RBFOX2: variants seen among roughly 807,000 people sequenced by gnomAD.
RBFOX2 encodes the protein RNA binding protein fox-1 homolog 2.
In RBFOX2, 10 loss-of-function variants were observed where a neutral mutation model predicts 49.1. The observed-to-expected ratio is 0.20, with a 90% CI of 0.13 to 0.35. The LOEUF (loss-of-function observed/expected upper bound fraction) is 0.35, where lower values mean the gene tolerates loss of function less well. Among genes scored for constraint, RBFOX2 ranks in the 10% least tolerant of loss-of-function variants. RBFOX2 has a pLI of 1.00. For synonymous variants in RBFOX2, 183 were observed against 187.4 expected (o/e 0.98, Z 0.19); for missense variants, 323 against 486.9 (o/e 0.66, Z 3.17).
At chr22:35,947,530 T>G (rs1285819589) in intron 1 of RBFOX2, among the ~76,000 whole-genome samples, 1 of 151,660 alleles carries the variant, frequency 6.6e-6, no homozygotes, top group Non-Finnish European at 1.5e-5. Flanking sequence ...AAATGACAGC[T>G]CCATGTGTGT....
At chr22:35,876,040 G>A (rs1053271715) in intron 1 of RBFOX2, among the ~76,000 whole-genome samples, 5 of 151,982 alleles carry the variant, frequency 3.3e-5, no homozygotes, top group Non-Finnish European at 7.4e-5. Flanking sequence ...GCAAATCACC[G>A]ATAAACAAAG....
chr22:35,768,388 G>T, intron 4 of RBFOX2, 39 bp from the exon 6 acceptor site: 1 of 1,522,208 alleles, frequency 6.6e-7, no homozygotes, highest in East Asian at 2.3e-5. Context: ...CATGCACATC[G>T]TTATATTGAA....
chr22:36,016,653 C>T (rs1372180136), intron 1 of RBFOX2, among the ~76,000 whole-genome samples: 2 of 152,158 alleles, frequency 1.3e-5, no homozygotes, highest in South Asian at 2.1e-4. Flanking sequence ...CTAAGAAAAC[C>T]CACGTCTTAT....
At chr22:36,013,186 C>G (rs1399994655) in intron 1 of RBFOX2, among the ~76,000 whole-genome samples, 1 of 151,950 alleles carries the variant, frequency 6.6e-6, no homozygotes, top group Non-Finnish European at 1.5e-5. Flanking sequence ...AAGCAGAGGA[C>G]TGCTTGAGCC....
At chr22:35,843,797 T>C (rs550209935), upstream of RBFOX2, among the ~76,000 whole-genome samples, 1 of 152,316 alleles carries the variant, frequency 6.6e-6, no homozygotes, top group Non-Finnish European at 1.5e-5. Flanking sequence ...CCAAAGTGCA[T>C]GGTTCCTAAC....
chr22:35,948,677 T>G (rs1337653496), intron 1 of RBFOX2, among the ~76,000 whole-genome samples: 1 of 152,082 alleles, frequency 6.6e-6, no homozygotes, highest in Admixed American at 6.6e-5. Flanking sequence ...AGAGTGAGAC[T>G]GTCTCAAAAA....
chr22:35,929,551 C>G (rs886870019), intron 1 of RBFOX2, among the ~76,000 whole-genome samples: 3 of 152,154 alleles, frequency 2.0e-5, no homozygotes, highest in African/African-American at 7.2e-5. Flanking sequence ...ATACTACAAC[C>G]TGGATGAACC....
chr22:35,760,134 C>A (rs1309103284), intron 8 of RBFOX2, 114 bp from the exon 10 acceptor site: 7 of 1,407,180 alleles, frequency 5.0e-6, no homozygotes, highest in South Asian at 1.2e-5. Context: ...CGAACCACAC[C>A]TTTTTGGAAA....
intron 1 of RBFOX2, among the ~76,000 whole-genome samples, chr22:35,912,623 T>G (rs772470199): frequency 1.3e-5 from 2 of 152,196 alleles, no homozygotes; most frequent in Non-Finnish European, 2.9e-5. Context: ...AGTCACCTGA[T>G]TGTAAAAGTT....
chr22:35,791,271 G>C (rs1947569831), intron 2 of RBFOX2, among the ~76,000 whole-genome samples: 1 of 151,738 alleles, frequency 6.6e-6, no homozygotes, highest in South Asian at 2.1e-4. Flanking sequence ...TGTAATCCCA[G>C]CTACTTGGGA....
chr22:35,971,021 G>A (rs1233942474), intron 1 of RBFOX2, among the ~76,000 whole-genome samples: 1 of 152,068 alleles, frequency 6.6e-6, no homozygotes, highest in Non-Finnish European at 1.5e-5. Flanking sequence ...TATCCCTGGT[G>A]GAATCAGGAG....
chr22:35,868,316 T>C (rs781725450), intron 1 of RBFOX2, among the ~76,000 whole-genome samples: 1 of 152,216 alleles, frequency 6.6e-6, no homozygotes, highest in Non-Finnish European at 1.5e-5. Context: ...AATTTTGGCT[T>C]GAATCAAATA....
chr22:35,837,149 A>G (rs555039596), intron 1 of RBFOX2, among the ~76,000 whole-genome samples: 24 of 152,368 alleles, frequency 1.6e-4, no homozygotes, highest in African/African-American at 4.8e-4. Context: ...AATTAAAACA[A>G]AAACAGGCCC....
At chr22:35,884,908 T>C (rs1234417352) in intron 1 of RBFOX2, among the ~76,000 whole-genome samples, 2 of 152,072 alleles carry the variant, frequency 1.3e-5, no homozygotes, top group Non-Finnish European at 2.9e-5. Flanking sequence ...AAGATAATAG[T>C]AATGAAAGCA....
chr22:35,772,276 C>G (rs1018487512), intron 4 of RBFOX2, among the ~76,000 whole-genome samples: 1 of 151,968 alleles, frequency 6.6e-6, no homozygotes, highest in African/African-American at 2.4e-5. Flanking sequence ...GCACTGCAGA[C>G]AGAAATATAA....
chr22:35,882,773 T>C (rs1287569029), intron 1 of RBFOX2, among the ~76,000 whole-genome samples: 1 of 152,174 alleles, frequency 6.6e-6, no homozygotes, highest in African/African-American at 2.4e-5. Flanking sequence ...GGAAATCCTC[T>C]CCTGATTGCT....
At chr22:35,971,207 CA>C (rs1441662713) in intron 1 of RBFOX2, among the ~76,000 whole-genome samples, 1 of 152,098 alleles carries the variant, frequency 6.6e-6, no homozygotes, top group Non-Finnish European at 1.5e-5. Context: ...GATGTGGGTG[CA>C]AAACACCTTC....
At chr22:35,972,137 C>T (rs1005699001) in intron 1 of RBFOX2, among the ~76,000 whole-genome samples, 4 of 151,900 alleles carry the variant, frequency 2.6e-5, no homozygotes, top group African/African-American at 9.7e-5. Context: ...CCAGAAACCC[C>T]CCAAACAGTA....
chr22:35,744,942 T>C (rs988094310), intron 11 of RBFOX2, among the ~76,000 whole-genome samples: 3 of 152,252 alleles, frequency 2.0e-5, no homozygotes, highest in African/African-American at 7.2e-5. Context: ...GTCATTCTTT[T>C]AGCATAGGAC....
Sources: gnomAD v4.1 joint callset for allele counts (sites outside exome capture counted in the v4.1 genomes callset) on GRCh38, gnomAD v4.1.1 for gene constraint, MANE v1.5 for transcripts, NCBI Gene and HGNC (gene_info 2026-07-23, HGNC 2026-07-21) for gene names.